Variants in PDLIM5 observed in about 807,000 individuals in gnomAD.
PDLIM5 encodes PDZ and LIM domain protein 5.
In PDLIM5, 34 loss-of-function variants were observed where a neutral mutation model predicts 64.2. The observed-to-expected ratio is 0.53, with a 90% CI of 0.40 to 0.71. The LOEUF is 0.71. PDLIM5 is among the 30% of genes least tolerant of loss of function. The pLI is 0.00. For synonymous variants in PDLIM5, 253 were observed against 269.1 expected (o/e 0.94, Z 0.59); for missense variants, 683 against 733.6 (o/e 0.93, Z 0.80).
intron 1 of PDLIM5, among the ~76,000 whole-genome samples, chr4:94,453,044 C>T (rs1723008714): frequency 6.6e-6 from 1 of 152,024 alleles, no homozygotes; most frequent in Admixed American, 6.5e-5. Flanking sequence ...TCTCCTTTCT[C>T]CCCTCTCACC....
intron 7 of PDLIM5, among the ~76,000 whole-genome samples, chr4:94,594,775 A>G (rs1478128667): frequency 6.6e-6 from 1 of 152,178 alleles, no homozygotes; most frequent in Non-Finnish European, 1.5e-5. Context: ...ATTTTAGTTT[A>G]GCAAAAGGAT....
intron 7 of PDLIM5, among the ~76,000 whole-genome samples, chr4:94,607,771 C>T (rs892004506): frequency 2.0e-5 from 3 of 152,012 alleles, no homozygotes; most frequent in African/African-American, 7.3e-5. Context: ...ATTCAAAACA[C>T]GTAGTCAGTG....
intron 3 of PDLIM5, among the ~76,000 whole-genome samples, chr4:94,540,708 T>A (rs1731733227): frequency 6.6e-6 from 1 of 152,200 alleles, no homozygotes; most frequent in Non-Finnish European, 1.5e-5. Flanking sequence ...GATCCATGTC[T>A]TATTGTTATT....
chr4:94,538,038 C>G (rs1268344393), intron 3 of PDLIM5, among the ~76,000 whole-genome samples: 2 of 152,148 alleles, frequency 1.3e-5, no homozygotes, highest in Admixed American at 6.5e-5. Context: ...CCAGTCATTT[C>G]AAATGCCGTG....
rs914326999 is a variant in PDLIM5 at position 94,666,648 on chromosome 4, A to G, written c.*2581A>G. 1 of 152,468 alleles carries G rather than the reference A, an allele frequency of 6.6e-6. No individual in the cohort carries two copies. 9.4% of individuals were successfully genotyped at this position (152,468 alleles called of 1,614,324 possible). On this transcript the variant is annotated 3_prime_UTR_variant, in exon 13 of 13. Coordinates refer to ENST00000317968, the MANE Select transcript of PDLIM5 (RefSeq NM_006457.5). The stretch of plus-strand genomic sequence containing the variant: ...TATTTGATAAGTCAATGACATTTGG[A>G]TGTTTTCTTCAAAGAATTTTATTTG...
chr4:94,626,564 T>C (rs1374188328), intron 8 of PDLIM5, among the ~76,000 whole-genome samples: 3 of 152,158 alleles, frequency 2.0e-5, no homozygotes, highest in Non-Finnish European at 4.4e-5. Context: ...AATAGGGAGC[T>C]TCAAGTGACT....
At chr4:94,469,514 G>A (rs1042092296) in intron 2 of PDLIM5, among the ~76,000 whole-genome samples, 1 of 152,184 alleles carries the variant, frequency 6.6e-6, no homozygotes, top group African/African-American at 2.4e-5. Flanking sequence ...GGCTAGTGTG[G>A]CAGGAATGCT....
chr4:94,464,987 G>A (rs939435305), intron 2 of PDLIM5, among the ~76,000 whole-genome samples: 4 of 152,134 alleles, frequency 2.6e-5, no homozygotes, highest in Admixed American at 2.6e-4. Flanking sequence ...AACTGTATGA[G>A]CTTCCCATTA....
intron 8 of PDLIM5, among the ~76,000 whole-genome samples, chr4:94,632,151 A>G (rs1165291778): frequency 6.6e-6 from 1 of 152,216 alleles, no homozygotes; most frequent in African/African-American, 2.4e-5. Flanking sequence ...AATATAATTG[A>G]CTGTTTACTG....
intron 12 of PDLIM5, among the ~76,000 whole-genome samples, chr4:94,663,483 C>T (rs780457599): frequency 2.0e-5 from 3 of 151,920 alleles, no homozygotes; most frequent in African/African-American, 4.8e-5. Context: ...AAGAAACAAA[C>T]AAAAGAGGTC....
At chr4:94,545,481 A>T (rs1253250013) in intron 3 of PDLIM5, among the ~76,000 whole-genome samples, 1 of 152,176 alleles carries the variant, frequency 6.6e-6, no homozygotes, top group East Asian at 1.9e-4. Flanking sequence ...TGACACACAT[A>T]CCAAAAATGG....
intron 2 of PDLIM5, among the ~76,000 whole-genome samples, chr4:94,514,355 C>G (rs1359848269): frequency 2.0e-5 from 3 of 151,950 alleles, no homozygotes; most frequent in Non-Finnish European, 4.4e-5. Context: ...AGGATGGTCT[C>G]AATCTCCTGA....
Position 94,664,241 on chromosome 4 carries a change from TA to T in PDLIM5, c.*177del, listed in dbSNP as rs1742954031. 1 of 1,140,950 alleles carries T rather than the reference TA, an allele frequency of 8.8e-7. No homozygotes were observed. The highest frequency in any genetic ancestry group is 3.6e-5 in the South Asian group (1 of 27,458). The allele number at this position is 1,140,950 out of a possible 1,614,324, so 70.7% of individuals were successfully genotyped here. A position where few individuals can be genotyped will look rare whatever the true frequency, so the allele number is the denominator to read the frequency against. On this transcript the variant is annotated 3_prime_UTR_variant, in exon 13 of 13. Coordinates refer to ENST00000317968, the MANE Select transcript of PDLIM5 (RefSeq NM_006457.5). ...TGAGGAAATATTTGGCTTCATAAAGTAAAGAGACGGTTTGGCATTTATTATT... is the reference window on the plus strand; with the variant it reads ...TGAGGAAATATTTGGCTTCATAAAGTAAGAGACGGTTTGGCATTTATTATT...
chr4:94,571,736 A>G (rs1306998681), intron 3 of PDLIM5, among the ~76,000 whole-genome samples: 3 of 152,216 alleles, frequency 2.0e-5, no homozygotes, highest in Non-Finnish European at 2.9e-5. Context: ...AAGATGCTCA[A>G]TATTTGTCGA....
intron 7 of PDLIM5, chr4:94,610,245 TG>T (rs1738257370): frequency 6.6e-7 from 1 of 1,518,938 alleles, no homozygotes; most frequent in African/African-American, 1.4e-5. Context: ...CTAGATATAG[TG>T]CTGCAGTTCT....
intron 2 of PDLIM5, among the ~76,000 whole-genome samples, chr4:94,502,406 G>A (rs1728005682): frequency 6.6e-6 from 1 of 152,186 alleles, no homozygotes; most frequent in Non-Finnish European, 1.5e-5. Flanking sequence ...TAGGGTAAGC[G>A]GCAGCCCACA....
At chr4:94,600,850 A>G (rs1235949128) in intron 7 of PDLIM5, among the ~76,000 whole-genome samples, 1 of 152,238 alleles carries the variant, frequency 6.6e-6, no homozygotes, top group Non-Finnish European at 1.5e-5. Flanking sequence ...TAGATAAAAA[A>G]TGCTCATTCT....
chr4:94,473,467 G>T (rs1247663750), intron 2 of PDLIM5, among the ~76,000 whole-genome samples: 1 of 152,048 alleles, frequency 6.6e-6, no homozygotes, highest in African/African-American at 2.4e-5. Context: ...TCACCATGTT[G>T]GTCAGGCTGG....
At chr4:94,498,228 T>A (rs565844331) in intron 2 of PDLIM5, among the ~76,000 whole-genome samples, 59 of 152,306 alleles carry the variant, frequency 3.9e-4, no homozygotes, top group African/African-American at 1.4e-3. Context: ...AAATTTAAAA[T>A]CACTTCCCCA....
Sources: gnomAD v4.1 joint callset for allele counts (sites outside exome capture counted in the v4.1 genomes callset) on GRCh38, gnomAD v4.1.1 for gene constraint, MANE v1.5 for transcripts, NCBI Gene and HGNC (gene_info 2026-07-23, HGNC 2026-07-21) for gene names.